Variants in CEP350 observed in about 807,000 individuals in gnomAD.
The protein encoded by CEP350 is centrosome-associated protein 350.
Under a neutral mutation model 331.8 loss-of-function variants are expected in CEP350, and 126 were observed. That is an observed-to-expected ratio of 0.38 (90% CI 0.33 to 0.44). The LOEUF is 0.44. Ranked by LOEUF, CEP350 falls within the 20% of genes least tolerant of loss-of-function variation. CEP350 has a pLI of 1.00. For synonymous variants in CEP350, 1,200 were observed against 1,259.5 expected (o/e 0.95, Z 1.00); for missense variants, 3,406 against 3,634.6 (o/e 0.94, Z 1.62).
At chr1:180,032,706 T>G (rs1238391083) in intron 15 of CEP350, among the ~76,000 whole-genome samples, 2 of 152,066 alleles carry the variant, frequency 1.3e-5, no homozygotes, top group Non-Finnish European at 2.9e-5. Flanking sequence ...TGGGGAAAGC[T>G]TATTAACATT....
intron 1 of CEP350, chr1:179,968,668 A>G: frequency 2.1e-6 from 1 of 466,716 alleles, no homozygotes; most frequent in Non-Finnish European, 4.1e-6. Flanking sequence ...GGAAACTTTT[A>G]CAATATCCAG....
chr1:180,110,958 G>T (rs766137256), intron 37 of CEP350, 39 bp from the exon 38 acceptor site: 14 of 1,565,896 alleles, frequency 8.9e-6, no homozygotes, highest in Non-Finnish European at 1.1e-5. Flanking sequence ...GCTTTTGTAT[G>T]ACAGGAATTT....
At chr1:179,977,028 T>C (rs1000087497) in intron 1 of CEP350, among the ~76,000 whole-genome samples, 2 of 152,248 alleles carry the variant, frequency 1.3e-5, no homozygotes, top group Non-Finnish European at 2.9e-5. Context: ...TTTCATTGTA[T>C]TTTTCAGCTT....
chr1:180,111,331 C>A lies in CEP350; in HGVS notation c.*170C>A. The A allele has an allele frequency of 1.3e-6, 1 of 757,054 alleles. No individual in the cohort carries two copies. The highest frequency in any genetic ancestry group is 1.8e-5 in the African/African-American group (1 of 56,556). The allele number at this position is 757,054 out of a possible 1,614,324, so 46.9% of individuals were successfully genotyped here. A position where few individuals can be genotyped will look rare whatever the true frequency, so the allele number is the denominator to read the frequency against. ...CAATGTGGTACACCTGGTATTACAG[C>A]CTTTGCCTTTCGAGACTATCCACTG... On this transcript the variant is annotated 3_prime_UTR_variant, in exon 38 of 38. Transcript: ENST00000367607.
intron 30 of CEP350, among the ~76,000 whole-genome samples, chr1:180,081,742 A>G (rs1044911859): frequency 1.3e-5 from 2 of 152,252 alleles, no homozygotes; most frequent in African/African-American, 2.4e-5. Context: ...AAGTATTTGT[A>G]TATCTAAACA....
intron 37 of CEP350, among the ~76,000 whole-genome samples, chr1:180,103,735 G>T (rs557751182): frequency 6.6e-6 from 1 of 151,996 alleles, no homozygotes; most frequent in East Asian, 1.9e-4. Flanking sequence ...GCTTCTTCCA[G>T]CTTTCCCAAT....
intron 22 of CEP350, chr1:180,052,456 A>G: frequency 3.6e-6 from 1 of 277,694 alleles, no homozygotes; most frequent in East Asian, 1.3e-4. Flanking sequence ...ATCTTGTAGT[A>G]CCAGAAAGGG....
At chr1:179,955,410 C>G (rs994591558) in intron 1 of CEP350, among the ~76,000 whole-genome samples, 1 of 152,216 alleles carries the variant, frequency 6.6e-6, no homozygotes, top group Non-Finnish European at 1.5e-5. Context: ...CCTCCTCTAG[C>G]CTGCAGAGGT....
At position 179,996,538 on chromosome 1, in the gene CEP350, T is replaced by G. The variant is rs1013261827; in HGVS notation, c.396-15T>G. ...TATTAATCATAGTCACAGAGCTTAT[T>G]ATTTTTTATTGTAGGGAAATCCATG... On this transcript the variant is annotated splice_polypyrimidine_tract_variant and intron_variant, in intron 5 of 37. Coordinates refer to ENST00000367607, the MANE Select transcript of CEP350 (RefSeq NM_014810.5). The G allele has an allele frequency of 2.0e-6, 3 of 1,514,884 alleles. No homozygotes were observed. Among genetic ancestry groups the G allele is most frequent in the Non-Finnish European group, 2.7e-6 (3 of 1,122,648 alleles). 93.8% of individuals were successfully genotyped at this position (1,514,884 alleles called of 1,614,324 possible).
intron 27 of CEP350, 58 bp downstream of exon 27, chr1:180,065,330 A>G: frequency 2.8e-6 from 4 of 1,450,546 alleles, no homozygotes; most frequent in Non-Finnish European, 2.8e-6. Flanking sequence ...TACAACAAAT[A>G]ACATTTGTAA....
rs374859341 is a variant in CEP350 at position 180,106,683 on chromosome 1, C to T, written c.9190-4314C>T. ...CTGGGCTCAAGGGATCCTCCTGCCT[C>T]GGTCTTCCAAATCACTAGGATTATA... On this transcript the variant is annotated intron_variant, in intron 37 of 37. Coordinates refer to ENST00000367607, the MANE Select transcript of CEP350 (RefSeq NM_014810.5). 6.8e-4 allele frequency among the ~76,000 whole-genome samples: 104 copies of T among 152,280 alleles called. 1 individual carries two copies. Among genetic ancestry groups the T allele is most frequent in the African/African-American group, 2.5e-3 (103 of 41,554 alleles).
rs561213976 is a variant in CEP350 at position 180,074,918 on chromosome 1, G to C, written c.5568-104G>C. 1.3e-5 allele frequency: 13 copies of C among 974,012 alleles called. No homozygotes were observed. In the East Asian group the frequency reaches 2.7e-4, roughly 20 times the overall value. 60.3% of individuals were successfully genotyped at this position (974,012 alleles called of 1,614,324 possible). ...GAGAGAAGAGTAGTATGAATGTTCT[G>C]CTTTTGCACAGCTTGTTGATAAGGT... On this transcript the variant is annotated intron_variant, in intron 27 of 37. Transcript: ENST00000367607.
chr1:179,965,971 A>C (rs1009005093), intron 1 of CEP350, among the ~76,000 whole-genome samples: 1 of 152,108 alleles, frequency 6.6e-6, no homozygotes, highest in Non-Finnish European at 1.5e-5. Context: ...AGCTGAAATT[A>C]CTAAGTTCAG....
chr1:180,065,413 T>A, intron 27 of CEP350, 141 bp downstream of exon 27: 1 of 825,656 alleles, frequency 1.2e-6, no homozygotes, highest in Non-Finnish European at 1.8e-6. Context: ...ATTGTTAGAT[T>A]AACCTAGAAG....
chr1:179,996,838 C>G lies in CEP350; in HGVS notation c.681C>G (p.Asn227Lys), dbSNP rs949004846. ...ASMRTEEEMP[N>K]RTKGSENNLK... is the part of the protein sequence containing the mutation. ...TGAGAACTGAGGAAGAAATGCCTAACAGAACAAAAGGAAGTGAGAATAATT... is the reference window on the plus strand; with the variant it reads ...TGAGAACTGAGGAAGAAATGCCTAAGAGAACAAAAGGAAGTGAGAATAATT... The change falls in exon 6 of 38, where the codon AAC becomes AAG. Residue 227 changes from asparagine (N) to lysine (K), a missense_variant. By Grantham distance (94) the Asn-to-Lys change is moderately conservative (BLOSUM62 0). Around this residue, in one of 5 missense-constraint regions of CEP350, gnomAD observed 1,857 missense variants for 1,909.2 expected, o/e 0.97. Transcript: ENST00000367607. 1.2e-6 allele frequency: 2 copies of G among 1,613,508 alleles called. No individual in the cohort carries two copies. Among genetic ancestry groups the G allele is most frequent in the Admixed American group, 3.3e-5 (2 of 59,974 alleles).
At position 180,053,893 on chromosome 1, in the gene CEP350, G is replaced by T. The variant is rs138991981; in HGVS notation, c.5133G>T (p.Glu1711Asp). The stretch of plus-strand genomic sequence containing the variant: ...GTCTCCGTGAAAAGGCCTTGAAGGA[G>T]AAGACTAAGGCTGAATTGGCCTGGT... ...LLRLREKALKEKTKAELAWLE... is the reference protein window; with the variant it reads ...LLRLREKALKDKTKAELAWLE... Residue 1711 changes from glutamate (E) to aspartate (D), a missense_variant, in exon 24 of 38, where the codon GAG becomes GAT. Coordinates refer to ENST00000367607, the MANE Select transcript of CEP350 (RefSeq NM_014810.5). 110 of 1,610,322 alleles carry T rather than the reference G, an allele frequency of 6.8e-5. No individual in the cohort carries two copies. Among genetic ancestry groups the T allele is most frequent in the Non-Finnish European group, 8.9e-5 (105 of 1,177,768 alleles).
chr1:180,013,308 G>A (rs576745669), intron 9 of CEP350, among the ~76,000 whole-genome samples: 1 of 152,180 alleles, frequency 6.6e-6, no homozygotes, highest in Admixed American at 6.5e-5. Context: ...TATGAAATGG[G>A]TCAGTGTTGT....
intron 5 of CEP350, among the ~76,000 whole-genome samples, chr1:179,994,038 T>C (rs1314707848): frequency 6.6e-6 from 1 of 152,208 alleles, no homozygotes; most frequent in Non-Finnish European, 1.5e-5. Context: ...CTCAAGGCCT[T>C]AGCTTAATGC....
rs577775434 is a variant in CEP350, at chr1:180,028,751, C to T, written c.3551-2569C>T. ...TCCCCAAAGTTGAGGCTGCAGTGAG[C>T]CATGATCATGCTACTGCACTCCAGC... On this transcript the variant is annotated intron_variant, in intron 14 of 37. Coordinates refer to ENST00000367607, the MANE Select transcript of CEP350 (RefSeq NM_014810.5). 1.1e-3 allele frequency among the ~76,000 whole-genome samples: 174 copies of T among 151,964 alleles called. 1 individual carries two copies. Among genetic ancestry groups the T allele is most frequent in the Non-Finnish European group, 1.9e-3 (129 of 67,962 alleles).
Sources: gnomAD v4.1 joint callset for allele counts (sites outside exome capture counted in the v4.1 genomes callset) on GRCh38, gnomAD v4.1.1 for gene constraint, gnomAD v4.1.1 regional missense constraint, MANE v1.5 for transcripts, NCBI Gene and HGNC (gene_info 2026-07-23, HGNC 2026-07-21) for gene names.